BMPER: variants seen among roughly 807,000 people sequenced by gnomAD.
The protein encoded by BMPER is BMP binding endothelial regulator.
In BMPER, 45 loss-of-function variants were observed where a neutral mutation model predicts 87.3. The observed-to-expected ratio is 0.52, with a 90% confidence interval of 0.41 to 0.66. BMPER has a LOEUF of 0.66. Ranked by LOEUF, BMPER falls within the 30% of genes least tolerant of loss-of-function variation. The probability of loss-of-function intolerance (pLI) is 0.00; values close to 1 mark genes in which losing one functional copy is unlikely to be tolerated. For synonymous variants in BMPER, 326 were observed against 316.2 expected (o/e 1.03, Z -0.33); for missense variants, 784 against 867.5 (o/e 0.90, Z 1.21).
chr7:34,141,255 A>G (rs958286547), intron 13 of BMPER, among the ~76,000 whole-genome samples: 1 of 151,866 alleles, frequency 6.6e-6, no homozygotes, highest in Non-Finnish European at 1.5e-5. Flanking sequence ...GCCTGAATGC[A>G]TTTGCTAGTG....
chr7:33,974,432 A>G (rs1046257227), intron 5 of BMPER, among the ~76,000 whole-genome samples: 1 of 152,104 alleles, frequency 6.6e-6, no homozygotes, highest in African/African-American at 2.4e-5. Context: ...CCGGACCCCA[A>G]GCACGGCTCT....
chr7:33,980,028 A>G (rs574940218), intron 6 of BMPER, among the ~76,000 whole-genome samples: 2 of 152,324 alleles, frequency 1.3e-5, no homozygotes, highest in South Asian at 4.1e-4. Context: ...AGAACGTGAT[A>G]ATGTTTGAGG....
intron 6 of BMPER, among the ~76,000 whole-genome samples, chr7:34,003,097 C>T (rs891730117): frequency 6.6e-6 from 1 of 151,530 alleles, no homozygotes; most frequent in African/African-American, 2.4e-5. Context: ...GCAGTTCCTC[C>T]ATTACTATCA....
At chr7:33,947,635 G>C (rs545294994) in intron 3 of BMPER, among the ~76,000 whole-genome samples, 2 of 152,224 alleles carry the variant, frequency 1.3e-5, no homozygotes, top group East Asian at 3.9e-4. Flanking sequence ...ACTGCCCTAG[G>C]TTCTGATAAA....
intron 13 of BMPER, among the ~76,000 whole-genome samples, chr7:34,089,173 A>G (rs140009326): frequency 6.6e-6 from 1 of 152,262 alleles, no homozygotes; most frequent in Non-Finnish European, 1.5e-5. Flanking sequence ...AGACTCAAAA[A>G]TTTATTTTAT....
At chr7:34,113,616 G>A (rs897111450) in intron 13 of BMPER, among the ~76,000 whole-genome samples, 21 of 94,632 alleles carry the variant, frequency 2.2e-4, no homozygotes, top group African/African-American at 6.4e-4. Context: ...ATAAAACTTT[G>A]GGCTTAATAA....
rs958563900 is a variant in BMPER at position 34,005,428 on chromosome 7, A to T, written c.576+30644A>T. Among the ~76,000 whole-genome samples the T allele has an allele frequency of 9.9e-5, 15 of 151,982 alleles. 1 individual carries two copies. Among genetic ancestry groups the T allele is most frequent in the Non-Finnish European group, 1.9e-4 (13 of 67,972 alleles). On this transcript the variant is annotated intron_variant, in intron 6 of 14. Transcript: ENST00000649409. ...TCTTTTAACTTTGATAGCTCTGACA[A>T]TGTTGACTTTTTACATTTTTTTTAA...
intron 13 of BMPER, among the ~76,000 whole-genome samples, chr7:34,097,891 G>A (rs1310187844): frequency 1.3e-5 from 2 of 152,144 alleles, no homozygotes; most frequent in African/African-American, 4.8e-5. Flanking sequence ...TAGGTCCCTG[G>A]TTAAAAGGGT....
chr7:34,039,603 TACACACACACACACACACAC>T (rs56214614), intron 6 of BMPER, among the ~76,000 whole-genome samples: 1 of 142,574 alleles, frequency 7.0e-6, no homozygotes, highest in African/African-American at 2.6e-5. Context: ...GACACACAAA[TACACACACACACACACACAC>T]ACACACACAC....
intron 2 of BMPER, among the ~76,000 whole-genome samples, chr7:33,923,152 G>C (rs1283597177): frequency 6.6e-6 from 1 of 152,076 alleles, no homozygotes; most frequent in African/African-American, 2.4e-5. Context: ...CTAGTTTTGA[G>C]CCACATTTTT....
intron 13 of BMPER, among the ~76,000 whole-genome samples, chr7:34,103,560 G>T (rs1020069402): frequency 6.6e-6 from 1 of 152,120 alleles, no homozygotes; most frequent in African/African-American, 2.4e-5. Context: ...CCCTAGCATC[G>T]TATGCACTTG....
rs112748342 is a variant in BMPER at position 34,144,654 on chromosome 7, C to T, written c.1876+1294C>T. The stretch of plus-strand genomic sequence containing the variant: ...TAGTTACAAACATTAGTGATATATG[C>T]TTGAAGCATCTCAAAGAGTGTCCAA... On this transcript the variant is annotated intron_variant, in intron 14 of 14. Coordinates refer to ENST00000649409, the MANE Select transcript of BMPER (RefSeq NM_001365308.1). Among the ~76,000 whole-genome samples, 126 of 152,126 alleles carry T rather than the reference C, an allele frequency of 8.3e-4. 1 individual carries two copies. The South Asian group carries it at 0.016, about 19-fold the overall frequency.
intron 11 of BMPER, among the ~76,000 whole-genome samples, chr7:34,068,111 T>C (rs4476897): frequency 0.19 from 28,909 of 152,182 alleles, 2,892 homozygotes; most frequent in Middle Eastern, 0.25. Context: ...GCATCTGCCG[T>C]CTCTAAACAC....
At chr7:33,978,345 G>C (rs1356903542) in intron 6 of BMPER, among the ~76,000 whole-genome samples, 1 of 152,206 alleles carries the variant, frequency 6.6e-6, no homozygotes, top group Non-Finnish European at 1.5e-5. Flanking sequence ...ATAAATTCCT[G>C]TTCTTTGTAA....
At chr7:33,975,664 C>G (rs970456235) in intron 6 of BMPER, among the ~76,000 whole-genome samples, 2 of 152,114 alleles carry the variant, frequency 1.3e-5, no homozygotes, top group Non-Finnish European at 2.9e-5. Context: ...AGCTTTTAAT[C>G]TGTTATAATA....
intron 6 of BMPER, among the ~76,000 whole-genome samples, chr7:33,992,812 G>A (rs1301362766): frequency 3.1e-4 from 42 of 137,478 alleles, no homozygotes; most frequent in African/African-American, 8.7e-4. Context: ...GGGCAGGCCT[G>A]GTGGTGACAA....
intron 3 of BMPER, among the ~76,000 whole-genome samples, chr7:33,939,055 C>T (rs73319522): frequency 0.018 from 2,738 of 152,034 alleles, 78 homozygotes; most frequent in African/African-American, 0.062. Flanking sequence ...AGACAAAAAA[C>T]GAGGACAATT....
intron 3 of BMPER, among the ~76,000 whole-genome samples, chr7:33,939,078 C>G (rs2128609813): frequency 6.6e-6 from 1 of 152,168 alleles, no homozygotes; most frequent in African/African-American, 2.4e-5. Context: ...GTTGGAGGGA[C>G]CAACTTGGAA....
chr7:34,031,652 A>G (rs568760392), intron 6 of BMPER, among the ~76,000 whole-genome samples: 2 of 151,898 alleles, frequency 1.3e-5, no homozygotes, highest in East Asian at 3.9e-4. Flanking sequence ...ACCCAAGGAC[A>G]GTGAGGTGGG....
Sources: gnomAD v4.1 joint callset for allele counts (sites outside exome capture counted in the v4.1 genomes callset) on GRCh38, gnomAD v4.1.1 for gene constraint, MANE v1.5 for transcripts, NCBI Gene and HGNC (gene_info 2026-07-23, HGNC 2026-07-21) for gene names.